TNC: variants seen among roughly 807,000 people sequenced by gnomAD.
The protein encoded by TNC is tenascin C.
In TNC, 109 loss-of-function variants were observed where a neutral mutation model predicts 202.4. The observed-to-expected ratio is 0.54, with a 90% CI of 0.46 to 0.63. The LOEUF is 0.63. TNC is among the 30% of genes least tolerant of loss of function. The probability of loss-of-function intolerance (pLI) is 0.00; values close to 1 mark genes in which losing one functional copy is unlikely to be tolerated. For synonymous variants in TNC, 1,007 were observed against 1,089.7 expected (o/e 0.92, Z 1.50); for missense variants, 2,756 against 2,833.3 (o/e 0.97, Z 0.62).
At chr9:115,066,922 C>T (rs971825605) in intron 10 of TNC, among the ~76,000 whole-genome samples, 4 of 152,148 alleles carry the variant, frequency 2.6e-5, no homozygotes, top group Non-Finnish European at 4.4e-5. Context: ...AAAATATTTA[C>T]CATCTGGCCC....
At chr9:115,040,919 A>G (rs1445203100) in intron 19 of TNC, 22 bp downstream of exon 19, 2 of 1,604,118 alleles carry the variant, frequency 1.2e-6, no homozygotes, top group Admixed American at 3.4e-5. Context: ...ACACACACAC[A>G]CACACAACCC....
intron 1 of TNC, among the ~76,000 whole-genome samples, chr9:115,111,538 A>G (rs1837066280): frequency 1.3e-5 from 2 of 150,054 alleles, no homozygotes; most frequent in African/African-American, 4.9e-5. Flanking sequence ...CTTCCTGAGT[A>G]GCTGGGATTA....
In TNC at chr9:115,028,912, A is replaced by AT. The variant is rs559774750; in HGVS notation, c.6169+447_6169+448insA. 7.7e-5 allele frequency among the ~76,000 whole-genome samples: 10 copies of AT among 130,154 alleles called. No homozygotes were observed. In the East Asian group the frequency reaches 2.2e-3, roughly 29 times the overall value. 85.4% of individuals were successfully genotyped at this position (130,154 alleles called of 152,430 possible). A position where few individuals can be genotyped will look rare whatever the true frequency, so the allele number is the denominator to read the frequency against. ...TTCCCCTTTAAATACTAAAGCTCTC[A>AT]ACATTATCTCTGAAAAAAAAAAAAA... is the stretch of plus-strand genomic sequence containing the variant. On this transcript the variant is annotated intron_variant, in intron 25 of 27. Coordinates refer to ENST00000350763, the MANE Select transcript of TNC (RefSeq NM_002160.4).
rs759863488 is a variant in TNC, at chr9:115,073,840, C to A, written c.2977G>T (p.Val993Phe). 1 of 1,612,300 alleles carries A rather than the reference C, an allele frequency of 6.2e-7. No individual in the cohort carries two copies. Among genetic ancestry groups the A allele is most frequent in the Non-Finnish European group, 8.5e-7 (1 of 1,179,966 alleles). Residue 993 changes from valine (V) to phenylalanine (F), a missense_variant, in exon 10 of 28, where the codon GTT becomes TTT. Transcript: ENST00000350763. The stretch of plus-strand genomic sequence containing the variant: ...AGGCTGGTCTCTGCAGTTTCAGAAA[C>A]CTGAAGGTCCTTGGGCGTGTCCAAC... ...TELDTPKDLQ[V>F]SETAETSLTL...
intron 10 of TNC, 71 bp downstream of exon 10, chr9:115,073,532 C>T: frequency 6.5e-7 from 1 of 1,546,220 alleles, no homozygotes; most frequent in Admixed American, 1.8e-5. Flanking sequence ...CATGTGAGGA[C>T]ACCCTGGCTG....
intron 3 of TNC, 152 bp downstream of exon 3, chr9:115,085,712 G>C (rs1006261330): frequency 8.4e-6 from 7 of 833,770 alleles, no homozygotes; most frequent in African/African-American, 6.9e-5. Context: ...CCCTTAAAAA[G>C]TCATTATGGG....
At chr9:115,037,648 C>T (rs1830434265) in intron 20 of TNC, among the ~76,000 whole-genome samples, 1 of 152,182 alleles carries the variant, frequency 6.6e-6, no homozygotes, top group African/African-American at 2.4e-5. Context: ...CTGCCTCAGC[C>T]TGCCGAGTAG....
In TNC at chr9:115,046,501, T is replaced by C; in HGVS notation, c.5034A>G (p.Thr1678=). 3.7e-6 allele frequency: 6 copies of C among 1,614,212 alleles called. No homozygotes were observed. The highest frequency in any genetic ancestry group is 2.2e-5 in the East Asian group (1 of 44,894). ...LLAPERTRDI[T]GLREATEYEI... The stretch of plus-strand genomic sequence containing the variant: ...CGTATTCAGTAGCCTCTCTGAGACC[T>C]GTTATGTCCCTGGTACGTTCGGGGG... Residue 1678 remains threonine (T), a synonymous_variant, in exon 17 of 28, where the codon ACA becomes ACG. Coordinates refer to ENST00000350763, the MANE Select transcript of TNC (RefSeq NM_002160.4).
Position 115,078,173 on chromosome 9 carries a change from G to A in TNC, c.2444C>T (p.Thr815Ile). 3.7e-6 allele frequency: 6 copies of A among 1,611,254 alleles called. No homozygotes were observed. Among genetic ancestry groups the A allele is most frequent in the Non-Finnish European group, 5.1e-6 (6 of 1,177,576 alleles). ...APSQIEVKDV[T>I]DTTALITWFK... ...CCAGGTGATCAAGGCAGTGGTGTCT[G>A]TGACATCTTTCACCTCGATCTGGCT... Residue 815 changes from threonine to isoleucine, a missense_variant, in exon 7 of 28, where the codon ACA becomes ATA. Thr to Ile is a moderately conservative substitution (Grantham distance 89). Coordinates refer to ENST00000350763, the MANE Select transcript of TNC (RefSeq NM_002160.4).
intron 10 of TNC, among the ~76,000 whole-genome samples, chr9:115,072,981 A>C (rs767790414): frequency 5.3e-5 from 8 of 152,186 alleles, no homozygotes; most frequent in Non-Finnish European, 1.2e-4. Context: ...CAGAATGGAC[A>C]CAAGTTGCAT....
chr9:115,036,266 G>A (rs1488688035), intron 20 of TNC, 25 bp from the exon 21 acceptor site: 1 of 1,612,378 alleles, frequency 6.2e-7, no homozygotes, highest in Non-Finnish European at 8.5e-7. Context: ...CACATACCAA[G>A]GCAGTCACCT....
intron 27 of TNC, among the ~76,000 whole-genome samples, chr9:115,021,572 C>T (rs372730906): frequency 1.3e-5 from 2 of 152,104 alleles, no homozygotes; most frequent in African/African-American, 2.4e-5. Context: ...TGAAATCTGC[C>T]GTCCTTAGGA....
chr9:115,026,984 C>T (rs1829543453), intron 25 of TNC, among the ~76,000 whole-genome samples: 1 of 151,888 alleles, frequency 6.6e-6, no homozygotes, highest in Non-Finnish European at 1.5e-5. Context: ...TGGTGGGTGC[C>T]TGTAGTCCCA....
Position 115,086,653 on chromosome 9 carries a change from G to T in TNC, c.1078C>A (p.Gln360Lys), listed in dbSNP as rs1265796396. 2 of 1,614,016 alleles carry T rather than the reference G, an allele frequency of 1.2e-6. No homozygotes were observed. Among genetic ancestry groups the T allele is most frequent in the Admixed American group, 3.3e-5 (2 of 60,004 alleles). The change falls in exon 3 of 28, where the codon CAG becomes AAG. Residue 360 changes from glutamine (Q) to lysine (K), a missense_variant. By Grantham distance (53) the Gln-to-Lys change is moderately conservative (BLOSUM62 1). This residue lies in a region of TNC where 2,559 missense variants were observed against 2,546.0 expected (regional missense o/e 1.01). Transcript: ENST00000350763. Reference sequence around the variant, plus strand: ...GCAAAGCCCTCATCACATACACACTGCCCCTCCTCACACCGGCCCTGGGTG... The same window carrying T: ...GCAAAGCCCTCATCACATACACACTTCCCCTCCTCACACCGGCCCTGGGTG... Reference protein sequence around the residue: ...CHTQGRCEEGQCVCDEGFAGV... With the variant: ...CHTQGRCEEGKCVCDEGFAGV...
rs769368202 is a variant in TNC at position 115,086,958 on chromosome 9, T to C, written c.773A>G (p.Glu258Gly). The change falls in exon 3 of 28, where the codon GAG (glutamate) becomes GGG (glycine). Residue 258 changes from glutamate to glycine, a missense_variant. By Grantham distance (98) the Glu-to-Gly change is moderately conservative (BLOSUM62 -2). Coordinates refer to ENST00000350763, the MANE Select transcript of TNC (RefSeq NM_002160.4). ...GCCATCTACACATGTGCCGTGCTCC[T>C]CACTGCAGGGCACTGGGCAGATTTC... ...SREICPVPCS[E>G]EHGTCVDGLC... is the part of the protein sequence containing the mutation. The C allele has an allele frequency of 6.2e-7, 1 of 1,614,188 alleles. No homozygotes were observed. Among genetic ancestry groups the C allele is most frequent in the Admixed American group, 1.7e-5 (1 of 60,034 alleles).
chr9:115,069,919 A>G (rs1833338651), intron 10 of TNC, among the ~76,000 whole-genome samples: 1 of 144,642 alleles, frequency 6.9e-6, no homozygotes, highest in Non-Finnish European at 1.5e-5. Context: ...GATTTCCCTT[A>G]TGCCTTAAGG....
chr9:115,058,590 C>T (rs558105693), intron 14 of TNC, among the ~76,000 whole-genome samples: 32 of 152,280 alleles, frequency 2.1e-4, no homozygotes, highest in Non-Finnish European at 3.1e-4. Context: ...TCAGGGTCAC[C>T]GTCCTGGCAG....
intron 11 of TNC, among the ~76,000 whole-genome samples, chr9:115,064,372 G>T (rs1327541350): frequency 1.3e-5 from 2 of 152,178 alleles, no homozygotes; most frequent in Non-Finnish European, 2.9e-5. Flanking sequence ...ACAGGAGGGA[G>T]GCTGTTTATG....
chr9:115,115,178 A>G (rs1837372174), intron 1 of TNC: 1 of 152,202 alleles, frequency 6.6e-6, no homozygotes, highest in Non-Finnish European at 1.5e-5. Flanking sequence ...TAAGGGGGAT[A>G]TGTTTTTCAT....
Sources: gnomAD v4.1 joint callset for allele counts (sites outside exome capture counted in the v4.1 genomes callset) on GRCh38, gnomAD v4.1.1 for gene constraint, gnomAD v4.1.1 regional missense constraint, MANE v1.5 for transcripts, NCBI Gene and HGNC (gene_info 2026-07-23, HGNC 2026-07-21) for gene names.